HS3ST4: variants seen among roughly 807,000 people sequenced by gnomAD.
The protein encoded by HS3ST4 is heparan sulfate-glucosamine 3-sulfotransferase 4, also known as heparan sulfate glucosamine 3-O-sulfotransferase 4.
HS3ST4 carries 17 observed loss-of-function variants against 29.2 expected under a neutral mutation model. The observed-to-expected ratio is 0.58, with a 90% CI of 0.40 to 0.87. The LOEUF (loss-of-function observed/expected upper bound fraction) is 0.87. Among genes scored for constraint, HS3ST4 ranks in the 40% least tolerant of loss-of-function variants. The probability of loss-of-function intolerance (pLI) is 0.00; values close to 1 mark genes in which losing one functional copy is unlikely to be tolerated. For synonymous variants in HS3ST4, 314 were observed against 285.7 expected (o/e 1.10, Z -1.00); for missense variants, 627 against 634.5 (o/e 0.99, Z 0.13).
chr16:26,037,398 A>C (rs1969593230), intron 1 of HS3ST4, among the ~76,000 whole-genome samples: 1 of 152,174 alleles, frequency 6.6e-6, no homozygotes, highest in African/African-American at 2.4e-5. Context: ...AGGAATATAG[A>C]GCCTGTGGTC....
chr16:25,831,570 G>A (rs1204659586), intron 1 of HS3ST4, among the ~76,000 whole-genome samples: 3 of 151,868 alleles, frequency 2.0e-5, no homozygotes, highest in South Asian at 2.1e-4. Flanking sequence ...CAGCCTAGGC[G>A]ACAGAGTGAG....
At chr16:26,104,157 G>A (rs1011247010) in intron 1 of HS3ST4, among the ~76,000 whole-genome samples, 11 of 152,236 alleles carry the variant, frequency 7.2e-5, no homozygotes, top group East Asian at 5.8e-4. Context: ...TTAGTCTTTC[G>A]TAGACCTCAG....
At chr16:26,035,851 T>C (rs1323235382) in intron 1 of HS3ST4, among the ~76,000 whole-genome samples, 17 of 152,156 alleles carry the variant, frequency 1.1e-4, no homozygotes, top group Non-Finnish European at 1.5e-5. Flanking sequence ...GTTCCTATGA[T>C]AAAGATGACA....
At chr16:25,984,012 T>C (rs1969036555) in intron 1 of HS3ST4, among the ~76,000 whole-genome samples, 1 of 152,222 alleles carries the variant, frequency 6.6e-6, no homozygotes, top group Admixed American at 6.5e-5. Flanking sequence ...ACATACAATG[T>C]ACCAGATCAG....
At chr16:26,015,189 A>G (rs1378754367) in intron 1 of HS3ST4, among the ~76,000 whole-genome samples, 1 of 152,198 alleles carries the variant, frequency 6.6e-6, no homozygotes, top group Non-Finnish European at 1.5e-5. Context: ...CTCATTTCAG[A>G]TCAGCTGTCT....
chr16:25,869,796 T>C (rs1010187458), intron 1 of HS3ST4, among the ~76,000 whole-genome samples: 10 of 152,212 alleles, frequency 6.6e-5, no homozygotes, highest in African/African-American at 2.4e-4. Context: ...ATTTATTAAA[T>C]TATGGACTCT....
chr16:26,021,432 C>T (rs1969413134), intron 1 of HS3ST4, among the ~76,000 whole-genome samples: 1 of 152,136 alleles, frequency 6.6e-6, no homozygotes, highest in South Asian at 2.1e-4. Context: ...ACCCACTTTA[C>T]TCATTTGTGT....
chr16:25,727,460 A>G (rs753059800), intron 1 of HS3ST4, among the ~76,000 whole-genome samples: 2 of 152,190 alleles, frequency 1.3e-5, no homozygotes, highest in African/African-American at 4.8e-5. Flanking sequence ...AAAATAGATA[A>G]TGGAAAAAAA....
chr16:26,119,972 G>A (rs567294876), intron 1 of HS3ST4, among the ~76,000 whole-genome samples: 2 of 152,174 alleles, frequency 1.3e-5, no homozygotes, highest in South Asian at 2.1e-4. Context: ...TCTTGGGGTG[G>A]GGGATTGCTA....
intron 1 of HS3ST4, among the ~76,000 whole-genome samples, chr16:26,121,338 GTC>G (rs2141810510): frequency 6.6e-6 from 1 of 152,322 alleles, no homozygotes; most frequent in South Asian, 2.1e-4. Flanking sequence ...ATATGGTAGT[GTC>G]TTGAAAGGCA....
At chr16:25,839,251 G>A (rs559163008) in intron 1 of HS3ST4, among the ~76,000 whole-genome samples, 3 of 152,186 alleles carry the variant, frequency 2.0e-5, no homozygotes, top group East Asian at 3.9e-4. Flanking sequence ...TAGCTGTTTG[G>A]GAAGATGTAT....
chr16:25,984,671 CTGT>C (rs2141724500), intron 1 of HS3ST4, among the ~76,000 whole-genome samples: 1 of 152,330 alleles, frequency 6.6e-6, no homozygotes, highest in East Asian at 1.9e-4. Flanking sequence ...CAGGAACTTT[CTGT>C]TCCTGGTTTA....
chr16:25,775,765 T>C (rs1376692609), intron 1 of HS3ST4, among the ~76,000 whole-genome samples: 1 of 152,236 alleles, frequency 6.6e-6, no homozygotes, highest in Admixed American at 6.5e-5. Flanking sequence ...GCAGCATTAC[T>C]TGCCTTCTCT....
chr16:25,939,330 C>CATTATT (rs1016503310), intron 1 of HS3ST4, among the ~76,000 whole-genome samples: 5 of 33,704 alleles, frequency 1.5e-4, no homozygotes, highest in Admixed American at 3.6e-4. Flanking sequence ...TTATTATTAT[C>CATTATT]ATTATTATTA....
At chr16:26,038,303 G>A (rs555030334) in intron 1 of HS3ST4, among the ~76,000 whole-genome samples, 3 of 152,118 alleles carry the variant, frequency 2.0e-5, no homozygotes, top group Non-Finnish European at 4.4e-5. Context: ...TTCCCAAGCA[G>A]CATTTTCCTT....
chr16:25,905,828 C>T (rs1364042508), intron 1 of HS3ST4, among the ~76,000 whole-genome samples: 1 of 152,116 alleles, frequency 6.6e-6, no homozygotes, highest in Non-Finnish European at 1.5e-5. Context: ...TCTCCTTGAG[C>T]CCCTTGGGGT....
intron 1 of HS3ST4, among the ~76,000 whole-genome samples, chr16:25,973,663 G>A (rs1007198116): frequency 6.6e-6 from 1 of 152,158 alleles, no homozygotes; most frequent in Non-Finnish European, 1.5e-5. Context: ...ATCTGAAAAC[G>A]AAATGATTTT....
chr16:25,764,795 A>G (rs748887085), intron 1 of HS3ST4, among the ~76,000 whole-genome samples: 2 of 152,246 alleles, frequency 1.3e-5, no homozygotes, highest in Non-Finnish European at 2.9e-5. Flanking sequence ...CATATGGGCC[A>G]CTTGCATGGC....
intron 1 of HS3ST4, among the ~76,000 whole-genome samples, chr16:26,110,636 A>G (rs888641081): frequency 1.3e-5 from 2 of 152,272 alleles, no homozygotes; most frequent in African/African-American, 2.4e-5. Context: ...TACTTCTGCA[A>G]TTGCTTCCTT....
Sources: allele counts gnomAD v4.1 joint callset (sites outside exome capture counted in the v4.1 genomes callset), GRCh38; gene constraint gnomAD v4.1.1; transcripts MANE v1.5; gene names NCBI Gene and HGNC (gene_info 2026-07-23, HGNC 2026-07-21).